The following ASTN2 variants were observed in gnomAD, a reference collection of about 807,000 sequenced individuals.
ASTN2 encodes astrotactin 2.
A neutral mutation model predicts 139.8 loss-of-function variants in ASTN2; 54 were observed. The observed-to-expected ratio is 0.39, with a 90% CI of 0.31 to 0.48. The LOEUF (loss-of-function observed/expected upper bound fraction) is 0.48, where lower values mean the gene tolerates loss of function less well. Among genes scored for constraint, ASTN2 ranks in the 20% least tolerant of loss-of-function variants. ASTN2 has a pLI of 0.95. For missense variants in ASTN2, 1,565 were observed against 1,725.1 expected, an observed-to-expected ratio of 0.91 and a Z score of 1.64; for synonymous variants, 756 against 719.5, an observed-to-expected ratio of 1.05 and a Z score of -0.81.
intron 19 of ASTN2, among the ~76,000 whole-genome samples, chr9:116,556,919 G>A (rs1158518724): frequency 6.6e-6 from 1 of 152,050 alleles, no homozygotes; most frequent in African/African-American, 2.4e-5. Context: ...TGTAGATGGA[G>A]AGGTATGTTA....
intron 1 of ASTN2, among the ~76,000 whole-genome samples, chr9:117,373,928 G>T (rs919764652): frequency 7.2e-5 from 11 of 152,128 alleles, no homozygotes; most frequent in African/African-American, 1.2e-4. Context: ...AGCACTTAAT[G>T]ATTATTTCTG....
intron 5 of ASTN2, among the ~76,000 whole-genome samples, chr9:117,042,387 C>G (rs1249955287): frequency 1.3e-5 from 2 of 152,126 alleles, no homozygotes; most frequent in Non-Finnish European, 2.9e-5. Flanking sequence ...AATTTAAGAA[C>G]AAGACCCTTG....
intron 16 of ASTN2, among the ~76,000 whole-genome samples, chr9:116,658,341 G>T (rs774883515): frequency 2.0e-5 from 3 of 152,142 alleles, no homozygotes; most frequent in South Asian, 2.1e-4. Flanking sequence ...GCTGCATGGG[G>T]ATTAGCCCAA....
chr9:116,922,936 C>T (rs572716551), intron 10 of ASTN2, among the ~76,000 whole-genome samples: 14 of 152,252 alleles, frequency 9.2e-5, no homozygotes, highest in Non-Finnish European at 5.9e-5. Context: ...ACTCACAGGA[C>T]ATGAAGATTG....
chr9:117,230,241 T>C (rs1380297289), intron 2 of ASTN2, among the ~76,000 whole-genome samples: 1 of 151,560 alleles, frequency 6.6e-6, no homozygotes, highest in Non-Finnish European at 1.5e-5. Context: ...TTTATCTCTC[T>C]TAGTTCAGGA....
rs1847276874 is a variant in ASTN2, at chr9:116,425,486, G to A, written c.*365C>T. The A allele has an allele frequency of 2.1e-6, 3 of 1,408,802 alleles. No individual in the cohort carries two copies. Among genetic ancestry groups the A allele is most frequent in the Admixed American group, 3.7e-5 (2 of 54,012 alleles). The allele number at this position is 1,408,802 out of a possible 1,614,324, so 87.3% of individuals were successfully genotyped here. A position where few individuals can be genotyped will look rare whatever the true frequency, so the allele number is the denominator to read the frequency against. On this transcript the variant is annotated 3_prime_UTR_variant, in exon 23 of 23. Coordinates refer to ENST00000313400, the MANE Select transcript of ASTN2 (RefSeq NM_001365068.1). ...GGTCTCCTCCAGGGGTCCATGGCAG[G>A]AAGAAAGCAGAGTGTGGCAGGAAGA...
intron 3 of ASTN2, among the ~76,000 whole-genome samples, chr9:117,144,991 T>A (rs10983545): frequency 0.13 from 19,580 of 151,752 alleles, 1,558 homozygotes; most frequent in Non-Finnish European, 0.18. Flanking sequence ...CTCTTTTTTT[T>A]TAAAAACTTT....
At chr9:116,861,214 TAC>T (rs60909208) in intron 11 of ASTN2, among the ~76,000 whole-genome samples, 29,455 of 143,466 alleles carry the variant, frequency 0.21, 3,344 homozygotes, top group East Asian at 0.29. Context: ...AAGCCCAAGC[TAC>T]ACACACACAC....
At chr9:116,813,190 T>G (rs1051013895) in intron 12 of ASTN2, among the ~76,000 whole-genome samples, 1 of 152,092 alleles carries the variant, frequency 6.6e-6, no homozygotes, top group Admixed American at 6.5e-5. Context: ...AAATATAAAA[T>G]AAGTGCAGAG....
In ASTN2 at chr9:116,620,313, G is replaced by A. The variant is rs372211477; in HGVS notation, c.3203C>T (p.Pro1068Leu). 3.1e-5 allele frequency: 50 copies of A among 1,613,996 alleles called. No individual in the cohort carries two copies. Among genetic ancestry groups the A allele is most frequent in the African/African-American group, 5.3e-5 (4 of 74,896 alleles). Residue 1068 changes from proline to leucine, a missense_variant, in exon 18 of 23, where the codon CCG (proline) becomes CTG (leucine). This residue lies in a region of ASTN2 where 418 missense variants were observed against 465.8 expected (regional missense o/e 0.90). Transcript: ENST00000313400. The stretch of plus-strand genomic sequence containing the variant: ...AAAAGGGGCCATACATACGTACACC[G>A]GCTGCAGAAGGGGGCTGCAGTTGGG... ...GLPNCSPLLQ[P>L]VLRLSPTVEP... is the part of the protein sequence containing the mutation.
chr9:116,732,798 C>T (rs1828823388), intron 14 of ASTN2, among the ~76,000 whole-genome samples: 2 of 152,204 alleles, frequency 1.3e-5, no homozygotes, highest in Admixed American at 1.3e-4. Flanking sequence ...GGGCAAAAGA[C>T]TTGGTGCTAC....
At chr9:116,878,313 G>T (rs558323187) in intron 10 of ASTN2, among the ~76,000 whole-genome samples, 1 of 152,112 alleles carries the variant, frequency 6.6e-6, no homozygotes, top group Non-Finnish European at 1.5e-5. Flanking sequence ...CCAAATGCCC[G>T]TCATGACAGA....
intron 3 of ASTN2, among the ~76,000 whole-genome samples, chr9:117,188,033 G>C (rs1385253898): frequency 6.6e-6 from 1 of 152,008 alleles, no homozygotes; most frequent in Admixed American, 6.6e-5. Flanking sequence ...GCTGGGGTTG[G>C]GGGGCGGTCC....
chr9:116,931,487 G>C (rs1834897454), intron 10 of ASTN2, among the ~76,000 whole-genome samples: 1 of 152,164 alleles, frequency 6.6e-6, no homozygotes, highest in Admixed American at 6.5e-5. Context: ...CAGATTCTTA[G>C]GTTTTACTTT....
intron 2 of ASTN2, among the ~76,000 whole-genome samples, chr9:117,237,277 A>C (rs1833073811): frequency 6.6e-6 from 1 of 152,168 alleles, no homozygotes; most frequent in South Asian, 2.1e-4. Context: ...ACTGAGTCTC[A>C]GAAATATTAG....
Position 116,964,177 on chromosome 9 carries a change from T to C in ASTN2, c.1889+11031A>G, listed in dbSNP as rs149946055. ...AGGTACAGATCAATTAATTATTCAT[T>C]GACATATCCAACTCATCTTTCTGAC... On this transcript the variant is annotated intron_variant, in intron 10 of 22. Transcript: ENST00000313400. Among the ~76,000 whole-genome samples the C allele has an allele frequency of 5.4e-3, 813 of 151,536 alleles. 10 individuals are homozygous for C. The highest frequency in any genetic ancestry group is 0.019 in the African/African-American group (787 of 41,290).
intron 19 of ASTN2, among the ~76,000 whole-genome samples, chr9:116,560,440 C>A (rs1006552053): frequency 6.6e-6 from 1 of 151,844 alleles, no homozygotes; most frequent in Non-Finnish European, 1.5e-5. Context: ...ACATTAGACC[C>A]AGTGGATCTG....
intron 1 of ASTN2, among the ~76,000 whole-genome samples, chr9:117,354,287 A>G (rs1224431179): frequency 9.9e-5 from 15 of 152,074 alleles, no homozygotes. Context: ...GAGGCCCCTC[A>G]TCATCTGGCC....
At chr9:117,213,789 G>C (rs1326216412) in intron 3 of ASTN2, among the ~76,000 whole-genome samples, 1 of 152,172 alleles carries the variant, frequency 6.6e-6, no homozygotes, top group African/African-American at 2.4e-5. Flanking sequence ...TAGAATTTCT[G>C]TCTAGACGGC....
Sources: allele counts gnomAD v4.1 joint callset (sites outside exome capture counted in the v4.1 genomes callset), GRCh38; gene constraint gnomAD v4.1.1; regional missense constraint gnomAD v4.1.1; transcripts MANE v1.5; gene names NCBI Gene and HGNC (gene_info 2026-07-23, HGNC 2026-07-21).